Variants in PRKN observed in about 807,000 individuals in gnomAD.
PRKN encodes the protein E3 ubiquitin-protein ligase parkin.
A neutral mutation model predicts 59.5 loss-of-function variants in PRKN; 56 were observed. The observed-to-expected ratio is 0.94, with a 90% CI of 0.76 to 1.18. PRKN has a LOEUF of 1.18. PRKN is among the 50% of genes most tolerant of loss of function. PRKN has a pLI of 0.00. For synonymous variants in PRKN, 250 were observed against 222.1 expected, an observed-to-expected ratio of 1.13 and a Z score of -1.12; for missense variants, 657 against 596.4, an observed-to-expected ratio of 1.10 and a Z score of -1.06.
intron 1 of PRKN, among the ~76,000 whole-genome samples, chr6:162,691,705 C>T (rs1312159676): frequency 2.0e-5 from 3 of 152,078 alleles, no homozygotes; most frequent in South Asian, 2.1e-4. Context: ...TACTCATGCA[C>T]GATTCTAATA....
intron 2 of PRKN, among the ~76,000 whole-genome samples, chr6:162,272,781 C>T (rs950390036): frequency 3.3e-5 from 5 of 151,766 alleles, no homozygotes; most frequent in Non-Finnish European, 5.9e-5. Context: ...GCAGATCACC[C>T]GAGGTCAGGG....
At chr6:161,392,362 T>C (rs10945747) in intron 9 of PRKN, among the ~76,000 whole-genome samples, 37,693 of 151,518 alleles carry the variant, frequency 0.25, 4,847 homozygotes, top group South Asian at 0.33. Flanking sequence ...CCAGCCTGGG[T>C]GACAGGGTGA....
intron 3 of PRKN, among the ~76,000 whole-genome samples, chr6:162,235,973 G>GAAAGAAAAGAAAGAAAGAAAGAAAGAAAC (rs1562602436): frequency 1.0e-5 from 1 of 95,988 alleles, no homozygotes; most frequent in African/African-American, 6.5e-5. Flanking sequence ...AAGAAAGAAA[G>GAAAGAAAAGAAAGAAAGAAAGAAAGAAAC]AAAGAAAGAA....
At chr6:161,382,347 G>C (rs1222979655) in intron 10 of PRKN, among the ~76,000 whole-genome samples, 1 of 151,820 alleles carries the variant, frequency 6.6e-6, no homozygotes, top group Non-Finnish European at 1.5e-5. Context: ...AGGCAGGCAT[G>C]GGCACATTCC....
intron 1 of PRKN, among the ~76,000 whole-genome samples, chr6:162,494,245 G>A (rs541416504): frequency 6.6e-6 from 1 of 152,268 alleles, no homozygotes; most frequent in African/African-American, 2.4e-5. Flanking sequence ...TCTACAGCCT[G>A]GGCGTTGGCA....
chr6:162,574,010 AG>A (rs1308477222), intron 1 of PRKN, among the ~76,000 whole-genome samples: 3 of 152,172 alleles, frequency 2.0e-5, no homozygotes, highest in Non-Finnish European at 1.5e-5. Flanking sequence ...TTGATACGAA[AG>A]GCATGCCAGA....
At position 161,480,196 on chromosome 6, in the gene PRKN, A is replaced by G. The variant is rs1039323498; in HGVS notation, c.1083+68658T>C. 1.3e-5 allele frequency among the ~76,000 whole-genome samples: 2 copies of G among 152,242 alleles called. No individual in the cohort carries two copies. The highest frequency in any genetic ancestry group is 4.8e-5 in the African/African-American group (2 of 41,460). On this transcript the variant is annotated intron_variant, in intron 9 of 11. Coordinates refer to ENST00000366898, the MANE Select transcript of PRKN (RefSeq NM_004562.3). This position sits in a 1 kb window ranked among gnomAD's most constrained non-coding sequence, Gnocchi z 4.1. ...GCGTTTCCTATCTGATCATGACTAT[A>G]TAATTTGTGAAGCCCAGTGCAAAAC...
intron 2 of PRKN, among the ~76,000 whole-genome samples, chr6:162,287,503 G>C (rs889621724): frequency 1.3e-5 from 2 of 152,122 alleles, no homozygotes; most frequent in Non-Finnish European, 2.9e-5. Flanking sequence ...GGGAGGTCCA[G>C]GCTGCAGTGA....
intron 1 of PRKN, among the ~76,000 whole-genome samples, chr6:162,522,652 G>A (rs935033885): frequency 2.0e-5 from 3 of 152,144 alleles, no homozygotes; most frequent in Non-Finnish European, 4.4e-5. Flanking sequence ...CTTACTCCAA[G>A]AGCTATTAGG....
intron 4 of PRKN, among the ~76,000 whole-genome samples, chr6:162,152,735 A>G (rs1562544281): frequency 6.6e-6 from 1 of 152,194 alleles, no homozygotes; most frequent in Non-Finnish European, 1.5e-5. Flanking sequence ...AATGAATAGA[A>G]AGCAGCATTT....
intron 6 of PRKN, among the ~76,000 whole-genome samples, chr6:161,865,896 G>T (rs1794093157): frequency 6.6e-6 from 1 of 152,186 alleles, no homozygotes; most frequent in South Asian, 2.1e-4. Flanking sequence ...ACTTATTGGA[G>T]CAAGAGGCCT....
chr6:162,490,307 C>T (rs1000304055), intron 1 of PRKN, among the ~76,000 whole-genome samples: 1 of 152,134 alleles, frequency 6.6e-6, no homozygotes, highest in Non-Finnish European at 1.5e-5. Context: ...TTATTTACTT[C>T]TAAACCACCA....
At chr6:162,339,499 C>A (rs1246685498) in intron 2 of PRKN, among the ~76,000 whole-genome samples, 1 of 139,598 alleles carries the variant, frequency 7.2e-6, no homozygotes, top group Non-Finnish European at 1.6e-5. Context: ...CCAGCCGCCC[C>A]GTCCGGGAGG....
intron 6 of PRKN, among the ~76,000 whole-genome samples, chr6:161,953,221 C>T (rs778057964): frequency 6.6e-6 from 1 of 152,132 alleles, no homozygotes; most frequent in Non-Finnish European, 1.5e-5. Context: ...AAGTGATTTT[C>T]CTGCCTCGGC....
intron 9 of PRKN, among the ~76,000 whole-genome samples, chr6:161,537,651 C>G (rs531614490): frequency 6.6e-6 from 1 of 152,064 alleles, no homozygotes; most frequent in Non-Finnish European, 1.5e-5. Context: ...CGGGGTTTCA[C>G]CATGTTAGCC....
chr6:162,377,356 C>A (rs545321107), intron 2 of PRKN, among the ~76,000 whole-genome samples: 1 of 152,268 alleles, frequency 6.6e-6, no homozygotes, highest in South Asian at 2.1e-4. Flanking sequence ...AGAGGACTGG[C>A]CAAGAGGCCA....
At chr6:161,735,349 C>T (rs754703317) in intron 7 of PRKN, among the ~76,000 whole-genome samples, 5 of 152,138 alleles carry the variant, frequency 3.3e-5, no homozygotes, top group Admixed American at 6.5e-5. Context: ...TGATCCACTT[C>T]CACTTAATGA....
At chr6:162,321,215 C>T (rs1783008994) in intron 2 of PRKN, among the ~76,000 whole-genome samples, 1 of 151,796 alleles carries the variant, frequency 6.6e-6, no homozygotes, top group South Asian at 2.1e-4. Flanking sequence ...GTAGAGATAC[C>T]ACAAGGATAA....
intron 5 of PRKN, among the ~76,000 whole-genome samples, chr6:162,025,533 G>A (rs909551884): frequency 7.0e-6 from 1 of 143,626 alleles, no homozygotes; most frequent in Non-Finnish European, 1.5e-5. Flanking sequence ...ACTTTTTAAG[G>A]AAACCTTGTC....
Sources: allele counts gnomAD v4.1 joint callset (sites outside exome capture counted in the v4.1 genomes callset), GRCh38; gene constraint gnomAD v4.1.1; non-coding constraint Gnocchi (gnomAD v3.1); transcripts MANE v1.5; gene names NCBI Gene and HGNC (gene_info 2026-07-23, HGNC 2026-07-21).